Variants in CFAP251 observed in about 807,000 individuals in gnomAD.
CFAP251 encodes cilia- and flagella-associated protein 251.
A neutral mutation model predicts 126.7 loss-of-function variants in CFAP251; 93 were observed. The observed-to-expected ratio is 0.73, with a 90% confidence interval of 0.62 to 0.87. The LOEUF is 0.87. Among genes scored for constraint, CFAP251 ranks in the 40% least tolerant of loss-of-function variants. CFAP251 has a pLI of 0.00. For synonymous variants in CFAP251, 503 were observed against 506.9 expected, an observed-to-expected ratio of 0.99 and a Z score of 0.10; for missense variants, 1,287 against 1,389.2, an observed-to-expected ratio of 0.93 and a Z score of 1.17.
intron 13 of CFAP251, chr12:121,959,725 C>T (rs1881859759): frequency 1.3e-5 from 2 of 152,224 alleles, no homozygotes; most frequent in Admixed American, 1.3e-4. Context: ...TTTCCACAGA[C>T]AGCGAGGGGG....
chr12:121,952,053 G>A (rs1345833771), intron 9 of CFAP251, among the ~76,000 whole-genome samples: 2 of 151,798 alleles, frequency 1.3e-5, no homozygotes, highest in East Asian at 1.9e-4. Flanking sequence ...AGTTATTGCT[G>A]TGAGAAAATA....
At chr12:121,946,509 C>T (rs1347344562) in intron 7 of CFAP251, among the ~76,000 whole-genome samples, 3 of 152,158 alleles carry the variant, frequency 2.0e-5, no homozygotes, top group African/African-American at 7.2e-5. Flanking sequence ...CTGTCGATCC[C>T]TATTTTGAAT....
intron 5 of CFAP251, among the ~76,000 whole-genome samples, chr12:121,938,418 C>T (rs1328402342): frequency 6.6e-6 from 1 of 151,828 alleles, no homozygotes; most frequent in Admixed American, 6.6e-5. Flanking sequence ...ATCTCCTGGG[C>T]TCAGATGATC....
intron 15 of CFAP251, among the ~76,000 whole-genome samples, chr12:121,963,399 A>G (rs1437474606): frequency 6.6e-6 from 1 of 151,912 alleles, no homozygotes; most frequent in Non-Finnish European, 1.5e-5. Flanking sequence ...CCTGCTTGGC[A>G]TTCAGGTGGG....
chr12:121,944,221 A>G (rs1436977722), intron 7 of CFAP251, among the ~76,000 whole-genome samples: 1 of 152,206 alleles, frequency 6.6e-6, no homozygotes, highest in Non-Finnish European at 1.5e-5. Flanking sequence ...TGCAGGATCT[A>G]AAATCCAAAC....
rs761246475 is a variant in CFAP251, at chr12:121,968,135, G to A, written c.2737G>A (p.Asp913Asn). Residue 913 changes from aspartate to asparagine, a missense_variant, in exon 17 of 22, where the codon GAT (aspartate) becomes AAT (asparagine). Physicochemically the swap from Asp to Asn is conservative, Grantham distance 23 (BLOSUM62 1). Transcript: ENST00000288912. ...GCYAFTAGGH[D>N]RSVVQWKITL... is the part of the protein sequence containing the mutation. ...CTACGCCTTCACTGCGGGAGGGCAC[G>A]ATCGCTCGGTGGTGCAGTGGAAAAT... The A allele has an allele frequency of 2.7e-5, 43 of 1,611,382 alleles. No homozygotes were observed. The highest frequency in any genetic ancestry group is 8.0e-5 in the African/African-American group (6 of 74,880).
In CFAP251 at chr12:121,923,603, AT is replaced by A. The variant is rs773654832; in HGVS notation, c.379-15del. 6.3e-7 allele frequency: 1 copy of A among 1,587,062 alleles called. No homozygotes were observed. The highest frequency in any genetic ancestry group is 8.5e-7 in the Non-Finnish European group (1 of 1,169,994). ...GTAGCAGCACATATGGAATCATGAT[AT>A]TTTATTTCTTTTTAAAGAAAACCCA... On this transcript the variant is annotated intron_variant, in intron 2 of 21. Coordinates refer to ENST00000288912, the MANE Select transcript of CFAP251 (RefSeq NM_144668.6).
intron 15 of CFAP251, among the ~76,000 whole-genome samples, chr12:121,964,979 C>A (rs1565915794): frequency 6.6e-6 from 1 of 152,164 alleles, no homozygotes; most frequent in Non-Finnish European, 1.5e-5. Context: ...TGTGCAACCC[C>A]CACTGTAGCT....
chr12:121,924,045 G>A, intron 3 of CFAP251, 55 bp downstream of exon 3: 2 of 1,519,066 alleles, frequency 1.3e-6, no homozygotes, highest in South Asian at 1.3e-5. Flanking sequence ...TTGCGCAATA[G>A]GGGAATTTTA....
At position 121,918,993 on chromosome 12, in the gene CFAP251, T is replaced by C. The variant is rs903831571; in HGVS notation, c.-21+298T>C. Reference sequence around the variant, plus strand: ...AGGCTCGGTGGTGAGAGCCCTAGACTTGATTCAGAGCAGTGATTTTTCAGC... The same window carrying C: ...AGGCTCGGTGGTGAGAGCCCTAGACCTGATTCAGAGCAGTGATTTTTCAGC... On this transcript the variant is annotated intron_variant, in intron 1 of 21. Coordinates refer to ENST00000288912, the MANE Select transcript of CFAP251 (RefSeq NM_144668.6). This position sits in a 1 kb window ranked among gnomAD's most constrained non-coding sequence, Gnocchi z 4.3. Among the ~76,000 whole-genome samples, 2 of 151,974 alleles carry C rather than the reference T, an allele frequency of 1.3e-5. No individual in the cohort carries two copies. Among genetic ancestry groups the C allele is most frequent in the Non-Finnish European group, 2.9e-5 (2 of 67,976 alleles).
chr12:121,944,722 T>C (rs929429119), intron 7 of CFAP251, among the ~76,000 whole-genome samples: 8 of 152,256 alleles, frequency 5.3e-5, no homozygotes, highest in African/African-American at 1.9e-4. Flanking sequence ...TTTTTGTGTG[T>C]TGATTTTGTA....
Position 121,942,843 on chromosome 12 carries a change from T to G in CFAP251, c.1111-52T>G. 3 of 1,597,704 alleles carry G rather than the reference T, an allele frequency of 1.9e-6. No homozygotes were observed. In the South Asian group the frequency reaches 3.3e-5, roughly 18 times the overall value. On this transcript the variant is annotated intron_variant, in intron 6 of 21. Coordinates refer to ENST00000288912, the MANE Select transcript of CFAP251 (RefSeq NM_144668.6). ...GTCACCACAAGAGGTGTAAGTTACTTCAGCAGACTTCACAGACCTTCTCAT... is the reference window on the plus strand; with the variant it reads ...GTCACCACAAGAGGTGTAAGTTACTGCAGCAGACTTCACAGACCTTCTCAT...
intron 1 of CFAP251, 137 bp from the exon 2 acceptor site, chr12:121,921,149 A>T: frequency 2.0e-6 from 2 of 1,023,678 alleles, no homozygotes; most frequent in Non-Finnish European, 2.7e-6. Context: ...GTGCCTGGTC[A>T]GAAACATGAC....
At chr12:121,928,100 T>C (rs1051826942) in intron 3 of CFAP251, among the ~76,000 whole-genome samples, 1 of 152,220 alleles carries the variant, frequency 6.6e-6, no homozygotes, top group Non-Finnish European at 1.5e-5. Flanking sequence ...CGGGAAGAGC[T>C]GTTGTGGCTG....
At chr12:121,993,682 G>A (rs1480086712) in intron 19 of CFAP251, among the ~76,000 whole-genome samples, 41 of 142,886 alleles carry the variant, frequency 2.9e-4, no homozygotes, top group Non-Finnish European at 5.4e-4. Context: ...GGTGAGGAGC[G>A]TCTCTGCCCG....
chr12:121,954,289 T>C lies in CFAP251; in HGVS notation c.1490T>C (p.Val497Ala). 1 of 1,614,150 alleles carries C rather than the reference T, an allele frequency of 6.2e-7. No homozygotes were observed. The highest frequency in any genetic ancestry group is 1.1e-5 in the South Asian group (1 of 91,078). ...CCCTATATCAAGCCTTGTAAATTGGTTCATTTGCAGAAAGAGGGTATCACG... is the reference window on the plus strand; with the variant it reads ...CCCTATATCAAGCCTTGTAAATTGGCTCATTTGCAGAAAGAGGGTATCACG... ...GFPYIKPCKL[V>A]HLQKEGITVL... The change falls in exon 10 of 22, where the codon GTT (valine) becomes GCT (alanine). Residue 497 changes from valine to alanine, a missense_variant. Transcript: ENST00000288912.
At chr12:121,983,711 C>T (rs552256536) in intron 19 of CFAP251, among the ~76,000 whole-genome samples, 21 of 151,884 alleles carry the variant, frequency 1.4e-4, no homozygotes, top group Non-Finnish European at 2.1e-4. Flanking sequence ...CCCCGCTCAC[C>T]CTTGGATTAC....
In CFAP251 at chr12:122,001,509, CGGA is replaced by C. The variant is rs1320616593; in HGVS notation, c.3256_3258del (p.Glu1086del). The C allele has an allele frequency of 3.7e-6, 6 of 1,613,808 alleles. No individual in the cohort carries two copies. The highest frequency in any genetic ancestry group is 1.3e-5 in the African/African-American group (1 of 74,876). On this transcript the variant is annotated inframe_deletion, in exon 21 of 22. Transcript: ENST00000288912. Reference sequence around the variant, plus strand: ...CTTTGACACACAGGTGAGCATATGACGGAGGAGGAGATGTTGGATTGCTTTGCT... The same window carrying C: ...CTTTGACACACAGGTGAGCATATGACGGAGGAGATGTTGGATTGCTTTGCT...
intron 7 of CFAP251, among the ~76,000 whole-genome samples, chr12:121,944,284 T>C (rs1881235369): frequency 6.6e-6 from 1 of 152,212 alleles, no homozygotes; most frequent in Admixed American, 6.5e-5. Context: ...TGCAGCCATA[T>C]GTCCATCTTC....
Sources: allele counts gnomAD v4.1 joint callset (sites outside exome capture counted in the v4.1 genomes callset), GRCh38; gene constraint gnomAD v4.1.1; non-coding constraint Gnocchi (gnomAD v3.1); transcripts MANE v1.5; gene names NCBI Gene and HGNC (gene_info 2026-07-23, HGNC 2026-07-21).